Variants in CRPPA observed in about 807,000 individuals in gnomAD.
The protein encoded by CRPPA is CDP-L-ribitol pyrophosphorylase A.
CRPPA carries 43 observed loss-of-function variants against 52.0 expected under a neutral mutation model. The observed-to-expected ratio is 0.83, with a 90% CI of 0.65 to 1.07. The LOEUF is 1.07. Ranked by LOEUF, CRPPA falls within the 50% of genes least tolerant of loss-of-function variation. The probability of loss-of-function intolerance (pLI) is 0.00; values close to 1 mark genes in which losing one functional copy is unlikely to be tolerated. For synonymous variants in CRPPA, 250 were observed against 203.5 expected (o/e 1.23, Z -1.94); for missense variants, 629 against 551.7 (o/e 1.14, Z -1.40).
chr7:16,325,870 A>G (rs4719464), intron 3 of CRPPA, among the ~76,000 whole-genome samples: 3 of 151,800 alleles, frequency 2.0e-5, no homozygotes, highest in Non-Finnish European at 4.4e-5. Flanking sequence ...AACAGGAATG[A>G]TATTTATTCA....
intron 9 of CRPPA, among the ~76,000 whole-genome samples, chr7:16,160,616 C>T (rs920463069): frequency 2.0e-5 from 3 of 151,978 alleles, no homozygotes; most frequent in East Asian, 1.9e-4. Context: ...CAGCTTTGTT[C>T]TTTTTGCTTA....
intron 6 of CRPPA, among the ~76,000 whole-genome samples, chr7:16,264,203 AT>A (rs1030308057): frequency 6.9e-4 from 105 of 151,246 alleles, no homozygotes; most frequent in African/African-American, 2.3e-3. Flanking sequence ...TTGTTTATAT[AT>A]AAAAAAAAGT....
intron 3 of CRPPA, among the ~76,000 whole-genome samples, chr7:16,342,144 A>G (rs753270794): frequency 3.3e-5 from 5 of 152,210 alleles, no homozygotes; most frequent in Non-Finnish European, 5.9e-5. Flanking sequence ...TAATCAACCC[A>G]TATTTCACAA....
intron 9 of CRPPA, among the ~76,000 whole-genome samples, chr7:16,135,377 A>G (rs534250425): frequency 3.9e-5 from 6 of 152,234 alleles, no homozygotes; most frequent in African/African-American, 1.4e-4. Flanking sequence ...TTGAGCCTTT[A>G]TGCCTTATAA....
At chr7:16,341,644 A>G (rs1233376423) in intron 3 of CRPPA, among the ~76,000 whole-genome samples, 1 of 152,074 alleles carries the variant, frequency 6.6e-6, no homozygotes, top group Non-Finnish European at 1.5e-5. Flanking sequence ...AGGTTAAACA[A>G]ATTTCAAGTT....
Position 16,248,649 on chromosome 7 carries a change from G to A in CRPPA, c.1119+9741C>T, listed in dbSNP as rs1022359870. On this transcript the variant is annotated intron_variant, in intron 8 of 9. Transcript: ENST00000407010. ...GTCTGCAGCTCCCAGCAAGATCCACGCGGAAGGCAGGTGATTTCTGCACTT... is the reference window on the plus strand; with the variant it reads ...GTCTGCAGCTCCCAGCAAGATCCACACGGAAGGCAGGTGATTTCTGCACTT... 5.3e-5 allele frequency among the ~76,000 whole-genome samples: 8 copies of A among 152,138 alleles called. No individual in the cohort carries two copies. In the East Asian group the frequency reaches 5.8e-4, roughly 11 times the overall value.
chr7:16,154,545 C>G (rs186425825), intron 9 of CRPPA, among the ~76,000 whole-genome samples: 1 of 152,238 alleles, frequency 6.6e-6, no homozygotes, highest in East Asian at 1.9e-4. Flanking sequence ...AACTAAACTT[C>G]TGTTACACAA....
intron 3 of CRPPA, among the ~76,000 whole-genome samples, chr7:16,366,207 G>C (rs1008793294): frequency 6.6e-6 from 1 of 152,106 alleles, no homozygotes. Context: ...AGGCAGAGCC[G>C]TCATGATCTA....
At chr7:16,236,432 C>A (rs1473065413) in intron 8 of CRPPA, among the ~76,000 whole-genome samples, 3 of 152,064 alleles carry the variant, frequency 2.0e-5, no homozygotes, top group East Asian at 3.9e-4. Flanking sequence ...AAAACAAAAT[C>A]TCTGGTACCC....
chr7:16,191,171 A>G (rs965938534), intron 9 of CRPPA, among the ~76,000 whole-genome samples: 1 of 151,990 alleles, frequency 6.6e-6, no homozygotes, highest in African/African-American at 2.4e-5. Flanking sequence ...GGATTTCTGG[A>G]TTTAATGGCA....
chr7:16,365,624 A>T (rs1445363072), intron 3 of CRPPA, among the ~76,000 whole-genome samples: 1 of 152,156 alleles, frequency 6.6e-6, no homozygotes, highest in Non-Finnish European at 1.5e-5. Flanking sequence ...CTCTTTATAA[A>T]GATGAAAAAG....
At chr7:16,405,930 C>G in intron 2 of CRPPA, 131 bp downstream of exon 2, 1 of 818,542 alleles carries the variant, frequency 1.2e-6, no homozygotes, top group East Asian at 2.7e-5. Context: ...CAACAAATCA[C>G]CATAACATCT....
chr7:16,298,125 G>C (rs1179107949), intron 5 of CRPPA, among the ~76,000 whole-genome samples: 1 of 152,090 alleles, frequency 6.6e-6, no homozygotes, highest in Non-Finnish European at 1.5e-5. Context: ...TTGAATACAA[G>C]TCATAAATGG....
intron 1 of CRPPA, among the ~76,000 whole-genome samples, chr7:16,412,811 T>C (rs902213379): frequency 2.0e-5 from 3 of 152,156 alleles, no homozygotes; most frequent in Non-Finnish European, 2.9e-5. Context: ...GCACATTCCA[T>C]AGGCAAATAG....
At chr7:16,337,356 G>C (rs1785710185) in intron 3 of CRPPA, among the ~76,000 whole-genome samples, 1 of 151,994 alleles carries the variant, frequency 6.6e-6, no homozygotes, top group Non-Finnish European at 1.5e-5. Flanking sequence ...AACATGTTCT[G>C]AACCAACAGG....
intron 9 of CRPPA, among the ~76,000 whole-genome samples, chr7:16,205,451 C>G (rs1781954273): frequency 6.6e-6 from 1 of 152,258 alleles, no homozygotes; most frequent in Middle Eastern, 3.4e-3. Flanking sequence ...ATTACACCCC[C>G]CACACCAGTT....
intron 1 of CRPPA, among the ~76,000 whole-genome samples, chr7:16,415,910 G>A (rs1023314906): frequency 6.6e-6 from 1 of 152,100 alleles, no homozygotes; most frequent in African/African-American, 2.4e-5. Context: ...TGGGGCCAAA[G>A]TTCAGAAGTT....
intron 8 of CRPPA, chr7:16,216,459 A>G: frequency 3.1e-6 from 1 of 324,338 alleles, no homozygotes; most frequent in Non-Finnish European, 5.7e-6. Flanking sequence ...GAGTAGGAAC[A>G]GCTCCGGTCT....
chr7:16,172,681 C>A (rs1201560975), intron 9 of CRPPA, among the ~76,000 whole-genome samples: 2 of 152,086 alleles, frequency 1.3e-5, no homozygotes, highest in Non-Finnish European at 2.9e-5. Context: ...CCTATGTGAT[C>A]CTTAAATAGT....
Sources: gnomAD v4.1 joint callset for allele counts (sites outside exome capture counted in the v4.1 genomes callset) on GRCh38, gnomAD v4.1.1 for gene constraint, MANE v1.5 for transcripts, NCBI Gene and HGNC (gene_info 2026-07-23, HGNC 2026-07-21) for gene names.